ADCY7: variants seen among roughly 807,000 people sequenced by gnomAD.
The protein encoded by ADCY7 is adenylate cyclase type 7.
A neutral mutation model predicts 120.6 loss-of-function variants in ADCY7; 72 were observed. That is an observed-to-expected ratio of 0.60 (90% CI 0.49 to 0.73). The LOEUF is 0.73. Among genes scored for constraint, ADCY7 ranks in the 30% least tolerant of loss-of-function variants. The probability of loss-of-function intolerance (pLI) is 0.00; values close to 1 mark genes in which losing one functional copy is unlikely to be tolerated. For missense variants in ADCY7, 1,227 were observed against 1,486.0 expected (o/e 0.83, Z 2.87); for synonymous variants, 661 against 628.0 (o/e 1.05, Z -0.78).
chr16:50,255,424 C>T (rs376567377), intron 1 of ADCY7, among the ~76,000 whole-genome samples: 52 of 62,108 alleles, frequency 8.4e-4, no homozygotes, highest in Non-Finnish European at 1.1e-3. Flanking sequence ...AAAAAAAAGA[C>T]GTATCAACCA....
chr16:50,312,837 T>TTC, intron 21 of ADCY7, 53 bp from the exon 22 acceptor site: 2 of 1,591,148 alleles, frequency 1.3e-6, no homozygotes, highest in South Asian at 1.1e-5. Flanking sequence ...TTGCCACTCT[T>TTC]CCTGTCCCCT....
chr16:50,259,900 A>C (rs900440222), intron 1 of ADCY7, among the ~76,000 whole-genome samples: 2 of 152,220 alleles, frequency 1.3e-5, no homozygotes, highest in African/African-American at 2.4e-5. Flanking sequence ...CTGAGCCCAC[A>C]GCTGAGAAGA....
At chr16:50,251,805 C>T (rs1165631651) in intron 1 of ADCY7, among the ~76,000 whole-genome samples, 1 of 152,180 alleles carries the variant, frequency 6.6e-6, no homozygotes, top group East Asian at 1.9e-4. Context: ...AGTTCACTGT[C>T]CTAGGAAGTG....
chr16:50,251,493 T>C (rs747925323), intron 1 of ADCY7, among the ~76,000 whole-genome samples: 16 of 152,226 alleles, frequency 1.1e-4, no homozygotes, highest in Non-Finnish European at 2.2e-4. Context: ...GTGAAGTGGC[T>C]TGCTCAGGAC....
chr16:50,313,563 T>G (rs1239715448), intron 22 of ADCY7: 2 of 212,526 alleles, frequency 9.4e-6, no homozygotes, highest in African/African-American at 4.6e-5. Context: ...ATGGGCAGCT[T>G]GCTAAGATTA....
intron 1 of ADCY7, among the ~76,000 whole-genome samples, chr16:50,272,857 T>A (rs1336171782): frequency 6.6e-6 from 1 of 152,166 alleles, no homozygotes; most frequent in Admixed American, 6.5e-5. Flanking sequence ...CCTTTTAAGC[T>A]GTCTGAAGGA....
At position 50,278,641 on chromosome 16, in the gene ADCY7, T is replaced by C. The variant is rs370036663; in HGVS notation, c.-268-9271T>C. Among the ~76,000 whole-genome samples, 6 of 152,236 alleles carry C rather than the reference T, an allele frequency of 3.9e-5. No individual in the cohort carries two copies. In the South Asian group the frequency reaches 1.0e-3, roughly 26 times the overall value. ...GTCAGGATAAAAAGGCCATATTCACTACAGCATCATATGAGAATTCTCCCA... is the reference window on the plus strand; with the variant it reads ...GTCAGGATAAAAAGGCCATATTCACCACAGCATCATATGAGAATTCTCCCA... On this transcript the variant is annotated intron_variant, in intron 1 of 25. Transcript: ENST00000673801.
At chr16:50,314,089 A>G (rs774116815) in intron 23 of ADCY7, 27 bp downstream of exon 23, 4 of 1,602,874 alleles carry the variant, frequency 2.5e-6, no homozygotes, top group Non-Finnish European at 3.4e-6. Flanking sequence ...GGTGAAATTC[A>G]GCTGACTGTC....
At chr16:50,311,603 C>T (rs2036464252) in intron 19 of ADCY7, 90 bp from the exon 20 acceptor site, 3 of 865,696 alleles carry the variant, frequency 3.5e-6, no homozygotes, top group South Asian at 2.8e-5. Flanking sequence ...TTTCCCCTTT[C>T]CCCTGGGTGT....
chr16:50,282,276 C>A (rs2034321867), intron 1 of ADCY7, among the ~76,000 whole-genome samples: 1 of 152,254 alleles, frequency 6.6e-6, no homozygotes, highest in Non-Finnish European at 1.5e-5. Context: ...GCTGGGGACG[C>A]TGCCAGATCA....
At chr16:50,285,570 C>T (rs935578692) in intron 1 of ADCY7, among the ~76,000 whole-genome samples, 1 of 152,186 alleles carries the variant, frequency 6.6e-6, no homozygotes, top group African/African-American at 2.4e-5. Context: ...CTTCTGCTGG[C>T]GGCTGGCCAT....
chr16:50,245,474 C>A (rs2032550671), upstream of ADCY7, among the ~76,000 whole-genome samples: 2 of 152,180 alleles, frequency 1.3e-5, no homozygotes, highest in South Asian at 4.1e-4. Flanking sequence ...GGCTTTCTTG[C>A]TCACCCTGTC....
At chr16:50,306,947 C>A in intron 14 of ADCY7, 103 bp from the exon 15 acceptor site, 1 of 856,070 alleles carries the variant, frequency 1.2e-6, no homozygotes, top group South Asian at 1.6e-5. Flanking sequence ...GCGTGAGCCA[C>A]TGTCCCAGCA....
At chr16:50,295,071 C>A (rs147924049) in intron 7 of ADCY7, among the ~76,000 whole-genome samples, 174 of 152,314 alleles carry the variant, frequency 1.1e-3, no homozygotes, top group African/African-American at 3.9e-3. Flanking sequence ...AGGCTAGCAG[C>A]CTCCACTCAC....
intron 1 of ADCY7, among the ~76,000 whole-genome samples, chr16:50,250,372 G>C (rs1353862666): frequency 1.3e-5 from 2 of 149,952 alleles, no homozygotes; most frequent in South Asian, 4.2e-4. Flanking sequence ...CAGGAGAATC[G>C]CTTGAACCCG....
intron 2 of ADCY7, chr16:50,289,294 C>A: frequency 4.6e-6 from 2 of 436,470 alleles, no homozygotes; most frequent in South Asian, 3.2e-5. Context: ...CCTTGGCCTC[C>A]CAAAGTGTTG....
At position 50,298,805 on chromosome 16, in the gene ADCY7, A is replaced by C. The variant is rs1203880263; in HGVS notation, c.949-99A>C. The stretch of plus-strand genomic sequence containing the variant: ...CCCAGGAGGCAAGCCCCCAGCCAGG[A>C]GAGAGCCGGGTGCACCCTGGAGGGT... On this transcript the variant is annotated intron_variant, in intron 7 of 25. Transcript: ENST00000673801. 4 of 1,498,166 alleles carry C rather than the reference A, an allele frequency of 2.7e-6. No homozygotes were observed. In the African/African-American group the frequency reaches 5.6e-5, roughly 21 times the overall value. 92.8% of individuals were successfully genotyped at this position (1,498,166 alleles called of 1,614,324 possible). A position where few individuals can be genotyped will look rare whatever the true frequency, so the allele number is the denominator to read the frequency against.
intron 1 of ADCY7, among the ~76,000 whole-genome samples, chr16:50,271,747 C>T (rs541752946): frequency 3.7e-4 from 57 of 152,296 alleles, no homozygotes; most frequent in African/African-American, 1.4e-3. Context: ...GGGGTGTTCT[C>T]CCCAACTGCT....
intron 1 of ADCY7, among the ~76,000 whole-genome samples, chr16:50,275,403 A>G (rs980465247): frequency 6.6e-6 from 1 of 152,232 alleles, no homozygotes; most frequent in Non-Finnish European, 1.5e-5. Context: ...ACAGCTACCC[A>G]GGGAGCCTTC....
Sources: allele counts gnomAD v4.1 joint callset (sites outside exome capture counted in the v4.1 genomes callset), GRCh38; gene constraint gnomAD v4.1.1; transcripts MANE v1.5; gene names NCBI Gene and HGNC (gene_info 2026-07-23, HGNC 2026-07-21).